Variants in VRK2 observed in about 807,000 individuals in gnomAD.
VRK2 encodes serine/threonine-protein kinase VRK2.
A neutral mutation model predicts 57.6 loss-of-function variants in VRK2; 60 were observed. That is an observed-to-expected ratio of 1.04 (90% CI 0.85 to 1.29). The LOEUF is 1.29. VRK2 is among the 50% of genes most tolerant of loss of function. The pLI is 0.00. For missense variants in VRK2, 705 were observed against 588.1 expected (o/e 1.20, Z -2.06); for synonymous variants, 231 against 199.2 (o/e 1.16, Z -1.35).
Position 57,922,520 on chromosome 2 carries a change from G to A in VRK2, c.-439+14681G>A, listed in dbSNP as rs572220574. Among the ~76,000 whole-genome samples the A allele has an allele frequency of 1.9e-4, 29 of 151,790 alleles. 1 individual carries two copies. In the East Asian group the frequency reaches 5.6e-3, roughly 29 times the overall value. On this transcript the variant is annotated intron_variant, in intron 1 of 15. Transcript: ENST00000417641. ...ATATTCAAATACAATTGTAAGCTAAGAGAGTAGATTTTGAATATCCTCATC... is the reference window on the plus strand; with the variant it reads ...ATATTCAAATACAATTGTAAGCTAAAAGAGTAGATTTTGAATATCCTCATC...
At chr2:58,049,328 TAATC>T (rs763866731) in intron 2 of VRK2, among the ~76,000 whole-genome samples, 53 of 152,324 alleles carry the variant, frequency 3.5e-4, no homozygotes, top group Non-Finnish European at 5.7e-4. Flanking sequence ...TTGTGAATCT[TAATC>T]AATATTTAGG....
intron 1 of VRK2, among the ~76,000 whole-genome samples, chr2:57,986,843 C>A (rs948758523): frequency 4.6e-5 from 7 of 152,130 alleles, no homozygotes; most frequent in Non-Finnish European, 1.5e-5. Context: ...AAGTGATCTG[C>A]CTGCCTTGGC....
chr2:58,111,682 C>T (rs1675594112), intron 7 of VRK2, among the ~76,000 whole-genome samples: 1 of 152,056 alleles, frequency 6.6e-6, no homozygotes, highest in African/African-American at 2.4e-5. Flanking sequence ...CCTACCTGAT[C>T]CTGGTATAAA....
chr2:58,082,348 T>C (rs760976661), intron 2 of VRK2, among the ~76,000 whole-genome samples: 1 of 151,928 alleles, frequency 6.6e-6, no homozygotes, highest in Non-Finnish European at 1.5e-5. Context: ...ACTTTTTAGC[T>C]CATTACATTC....
In VRK2 at chr2:58,122,983, T is replaced by C. The variant is rs1368498493; in HGVS notation, c.544-118T>C. 9 of 1,321,592 alleles carry C rather than the reference T, an allele frequency of 6.8e-6. No individual in the cohort carries two copies. In the South Asian group the frequency reaches 1.3e-4, roughly 19 times the overall value. The allele number at this position is 1,321,592 out of a possible 1,614,324, so 81.9% of individuals were successfully genotyped here. ...TATTTTATCCTAAGGCACCATTTGG[T>C]TTAATAAAATGTAGATCTGAGGCTG... On this transcript the variant is annotated intron_variant, in intron 7 of 12. Transcript: ENST00000340157.
At chr2:58,104,545 G>A (rs1328372340) in intron 7 of VRK2, among the ~76,000 whole-genome samples, 1 of 151,724 alleles carries the variant, frequency 6.6e-6, no homozygotes, top group Admixed American at 6.6e-5. Context: ...CTACAAAACA[G>A]TGGTGAAATA....
At chr2:58,043,152 C>A (rs948469875), upstream of VRK2, among the ~76,000 whole-genome samples, 2 of 152,046 alleles carry the variant, frequency 1.3e-5, no homozygotes, top group Non-Finnish European at 2.9e-5. Flanking sequence ...ATTTTGGCTG[C>A]AAGAAATATA....
intron 2 of VRK2, among the ~76,000 whole-genome samples, chr2:58,076,771 A>G (rs1280491824): frequency 2.0e-5 from 3 of 151,908 alleles, no homozygotes; most frequent in African/African-American, 7.2e-5. Flanking sequence ...ACAATTTTGT[A>G]AGAGGATTGT....
At chr2:58,108,583 T>A (rs1284836364) in intron 7 of VRK2, among the ~76,000 whole-genome samples, 1 of 152,142 alleles carries the variant, frequency 6.6e-6, no homozygotes, top group Non-Finnish European at 1.5e-5. Context: ...CACTGACACA[T>A]GCTCTGGTTG....
At chr2:58,150,562 GTT>G (rs35146685) in intron 12 of VRK2, among the ~76,000 whole-genome samples, 58 of 95,574 alleles carry the variant, frequency 6.1e-4, no homozygotes, top group African/African-American at 2.1e-3. Flanking sequence ...TTTTTTTTTA[GTT>G]TTTTTTTTTT....
intron 2 of VRK2, among the ~76,000 whole-genome samples, chr2:58,051,569 T>A (rs1487433747): frequency 6.6e-6 from 1 of 152,228 alleles, no homozygotes; most frequent in African/African-American, 2.4e-5. Flanking sequence ...CAAATTTTCC[T>A]GAATACTTTT....
At chr2:57,932,055 G>A (rs1670745728) in intron 1 of VRK2, among the ~76,000 whole-genome samples, 1 of 152,046 alleles carries the variant, frequency 6.6e-6, no homozygotes, top group African/African-American at 2.4e-5. Flanking sequence ...GAAGTGTGAT[G>A]CCTACTTCTT....
At chr2:58,120,210 A>G (rs1396114508) in intron 7 of VRK2, among the ~76,000 whole-genome samples, 1 of 32,906 alleles carries the variant, frequency 3.0e-5, no homozygotes, top group Non-Finnish European at 5.0e-5. Flanking sequence ...TTTTTTTTTG[A>G]GACAGAGTCT....
At chr2:58,100,000 G>A (rs1673726851) in intron 7 of VRK2, among the ~76,000 whole-genome samples, 1 of 151,978 alleles carries the variant, frequency 6.6e-6, no homozygotes, top group Non-Finnish European at 1.5e-5. Context: ...CTTGCCTATT[G>A]TTGTACAGTT....
At chr2:57,959,555 G>C (rs1377389865) in intron 1 of VRK2, among the ~76,000 whole-genome samples, 1 of 152,162 alleles carries the variant, frequency 6.6e-6, no homozygotes, top group African/African-American at 2.4e-5. Context: ...AGTGTTAGCA[G>C]CCATCAAGGA....
At chr2:58,008,652 A>G (rs921049090) in intron 1 of VRK2, among the ~76,000 whole-genome samples, 3 of 152,128 alleles carry the variant, frequency 2.0e-5, no homozygotes, top group Non-Finnish European at 2.9e-5. Context: ...AAGCAGAAGG[A>G]ATAAAATATA....
intron 2 of VRK2, among the ~76,000 whole-genome samples, chr2:58,076,293 T>A (rs1448950164): frequency 1.3e-5 from 2 of 152,018 alleles, no homozygotes; most frequent in African/African-American, 4.8e-5. Context: ...CTACTAAACA[T>A]CATAGTTTAC....
chr2:58,088,841 G>T (rs1374433014), intron 6 of VRK2, among the ~76,000 whole-genome samples: 1 of 152,180 alleles, frequency 6.6e-6, no homozygotes, highest in Admixed American at 6.5e-5. Context: ...TTTTTATTAT[G>T]AGTTTGGGAT....
At chr2:58,024,053 A>T (rs1305248935) in intron 1 of VRK2, among the ~76,000 whole-genome samples, 2 of 148,488 alleles carry the variant, frequency 1.3e-5, no homozygotes, top group Non-Finnish European at 3.0e-5. Context: ...GTCTCAGCTC[A>T]TGGCTCACTG....
Sources: gnomAD v4.1 joint callset for allele counts (sites outside exome capture counted in the v4.1 genomes callset) on GRCh38, gnomAD v4.1.1 for gene constraint, MANE v1.5 for transcripts, NCBI Gene and HGNC (gene_info 2026-07-23, HGNC 2026-07-21) for gene names.